The following AHI1 variants were observed in gnomAD, a reference collection of about 807,000 sequenced individuals.
AHI1 encodes Abelson helper integration site 1, also known as jouberin.
Under a neutral mutation model 149.3 loss-of-function variants are expected in AHI1, and 123 were observed. The observed-to-expected ratio is 0.82, with a 90% CI of 0.71 to 0.96. The LOEUF is 0.96. Ranked by LOEUF, AHI1 falls within the 40% of genes least tolerant of loss-of-function variation. The pLI, the probability that AHI1 is intolerant of heterozygous loss-of-function variation, is 0.00. For missense variants in AHI1, 1,439 were observed against 1,422.7 expected (o/e 1.01, Z -0.18); for synonymous variants, 475 against 459.8 (o/e 1.03, Z -0.42).
intron 24 of AHI1, among the ~76,000 whole-genome samples, chr6:135,342,314 A>G (rs1049315271): frequency 1.4e-4 from 22 of 151,976 alleles, no homozygotes; most frequent in African/African-American, 5.1e-4. Context: ...CCCAGAATGC[A>G]TCATTGGTGA....
chr6:135,453,421 T>A lies in AHI1; in HGVS notation c.1360A>T (p.Ser454Cys). Residue 454 changes from serine (S) to cysteine (C), a missense_variant, in exon 11 of 29, where the codon AGC becomes TGC. Physicochemically the swap from Ser to Cys is moderately radical, Grantham distance 112 (BLOSUM62 -1). Transcript: ENST00000265602. The part of the protein sequence containing the change: ...ILFFEILDFL[S>C]VDEIKNNSEV... ...GAATTATTCTTAATTTCATCCACGC[T>A]TAAGAAATCAAGAATCTGCAAATAA... 1.3e-6 allele frequency: 2 copies of A among 1,553,516 alleles called. No individual in the cohort carries two copies. The highest frequency in any genetic ancestry group is 1.7e-6 in the Non-Finnish European group (2 of 1,147,634).
In AHI1 at chr6:135,489,029, G is replaced by C. The variant is rs554466664; in HGVS notation, c.135+1594C>G. Among the ~76,000 whole-genome samples, 7 of 152,274 alleles carry C rather than the reference G, an allele frequency of 4.6e-5. No homozygotes were observed. In the East Asian group the frequency reaches 1.3e-3, roughly 29 times the overall value. Reference sequence around the variant, plus strand: ...AAATATATATAAAGTGTTTAGAAGAGTGCCTAAAGATAGAAAGCATTAAGG... The same window carrying C: ...AAATATATATAAAGTGTTTAGAAGACTGCCTAAAGATAGAAAGCATTAAGG... On this transcript the variant is annotated intron_variant, in intron 5 of 28. Transcript: ENST00000265602.
intron 25 of AHI1, 116 bp from the exon 26 acceptor site, chr6:135,318,732 G>A: frequency 1.6e-6 from 1 of 614,684 alleles, no homozygotes; most frequent in Non-Finnish European, 2.7e-6. Context: ...CAATTCCTTG[G>A]TGTACCAATA....
rs112579180 is a variant in AHI1, at chr6:135,437,789, A to G, written c.2036+586T>C. ...CTAACAGTATTTTTAGAACACATTC[A>G]AGGTAGAACAAGCAACTAAAAAAAG... On this transcript the variant is annotated intron_variant, in intron 15 of 28. Transcript: ENST00000265602. Among the ~76,000 whole-genome samples, 1,469 of 152,342 alleles carry G rather than the reference A, an allele frequency of 9.6e-3. 20 individuals carry two copies. The highest frequency in any genetic ancestry group is 0.033 in the African/African-American group (1,375 of 41,586).
At chr6:135,294,323 C>T (rs1373011603) in intron 27 of AHI1, among the ~76,000 whole-genome samples, 4 of 142,456 alleles carry the variant, frequency 2.8e-5, no homozygotes, top group African/African-American at 2.6e-5. Flanking sequence ...AAGACTCCAT[C>T]TCAAAACAAA....
intron 14 of AHI1, among the ~76,000 whole-genome samples, chr6:135,438,989 C>T (rs984944628): frequency 1.3e-5 from 2 of 152,148 alleles, no homozygotes; most frequent in Non-Finnish European, 2.9e-5. Flanking sequence ...TGGGAATTAA[C>T]AATGACTCAA....
At chr6:135,487,524 A>G (rs1794654661) in intron 5 of AHI1, among the ~76,000 whole-genome samples, 1 of 152,144 alleles carries the variant, frequency 6.6e-6, no homozygotes, top group Admixed American at 6.5e-5. Context: ...TGGATCATAA[A>G]TTTCCCATCA....
intron 27 of AHI1, among the ~76,000 whole-genome samples, chr6:135,292,541 C>T (rs550012279): frequency 3.9e-5 from 6 of 152,252 alleles, no homozygotes; most frequent in Admixed American, 2.6e-4. Flanking sequence ...GAGCCACAGA[C>T]GATGAAGATC....
intron 25 of AHI1, among the ~76,000 whole-genome samples, chr6:135,322,487 T>C (rs963355807): frequency 6.7e-6 from 1 of 149,282 alleles, no homozygotes; most frequent in African/African-American, 2.5e-5. Context: ...CTTTTTTTTT[T>C]CATTTTAAGC....
chr6:135,300,302 G>T (rs1783691096), intron 27 of AHI1, among the ~76,000 whole-genome samples, 198 bp downstream of exon 27: 1 of 147,238 alleles, frequency 6.8e-6, no homozygotes, highest in Non-Finnish European at 1.5e-5. Context: ...TCCAGCCTGG[G>T]TGACACAGCA....
chr6:135,482,693 T>C (rs1395490090), intron 5 of AHI1, among the ~76,000 whole-genome samples: 1 of 151,974 alleles, frequency 6.6e-6, no homozygotes, highest in Non-Finnish European at 1.5e-5. Flanking sequence ...TCCTAGAGTC[T>C]GTTTCTATTG....
rs1030051856 is a variant in AHI1 at position 135,463,365 on chromosome 6, C to T, written c.750-59G>A. On this transcript the variant is annotated intron_variant, in intron 7 of 28. Coordinates refer to ENST00000265602, the MANE Select transcript of AHI1 (RefSeq NM_001134831.2). ...ATATATTATCATTATAATTATTATT[C>T]ATGATGCAACAGAGTGAACAGTAAA... The T allele has an allele frequency of 9.3e-5, 126 of 1,354,742 alleles. 1 individual carries two copies. The Middle Eastern group carries it at 1.3e-3, about 14-fold the overall frequency. The allele number at this position is 1,354,742 out of a possible 1,614,324, so 83.9% of individuals were successfully genotyped here.
rs1396487523 is a variant in AHI1, at chr6:135,463,312, A to G, written c.750-6T>C. On this transcript the variant is annotated splice_polypyrimidine_tract_variant and splice_region_variant and intron_variant, in intron 7 of 28. Transcript: ENST00000265602. The stretch of plus-strand genomic sequence containing the variant: ...CACCAGAGATGGTCAATGTACTACA[A>G]ATATAATCCAAGTATCAGCCATTAC... 4 of 1,588,886 alleles carry G rather than the reference A, an allele frequency of 2.5e-6. No individual in the cohort carries two copies. The highest frequency in any genetic ancestry group is 3.4e-6 in the Non-Finnish European group (4 of 1,170,338).
At chr6:135,343,663 T>C (rs538809968) in intron 24 of AHI1, among the ~76,000 whole-genome samples, 1 of 147,730 alleles carries the variant, frequency 6.8e-6, no homozygotes, top group Admixed American at 6.7e-5. Flanking sequence ...AAAAACAAAC[T>C]AACAAAAAAC....
intron 24 of AHI1, among the ~76,000 whole-genome samples, chr6:135,344,955 C>CACACACAGTATATTAAAAAATCT (rs913357002): frequency 6.6e-6 from 1 of 151,144 alleles, no homozygotes. Flanking sequence ...CACACACACA[C>CACACACAGTATATTAAAAAATCT]AGTATATTAA....
chr6:135,310,325 G>A lies in AHI1; in HGVS notation c.3426+8194C>T, dbSNP rs1785025188. 2.6e-5 allele frequency among the ~76,000 whole-genome samples: 4 copies of A among 152,204 alleles called. No individual in the cohort carries two copies. In the South Asian group the frequency reaches 8.3e-4, roughly 31 times the overall value. On this transcript the variant is annotated intron_variant, in intron 26 of 28. Coordinates refer to ENST00000265602, the MANE Select transcript of AHI1 (RefSeq NM_001134831.2). ...ACTTTGAAGACTAAGAAAAACACAT[G>A]CACATTGAGGGCAATATATTTATTG...
At chr6:135,376,346 A>T (rs1042058559) in intron 23 of AHI1, among the ~76,000 whole-genome samples, 2 of 152,204 alleles carry the variant, frequency 1.3e-5, no homozygotes, top group Non-Finnish European at 2.9e-5. Context: ...TCCACAGATT[A>T]TTCAACAATT....
intron 3 of AHI1, 192 bp from the exon 4 acceptor site, chr6:135,492,483 A>G (rs1795380114): frequency 8.3e-7 from 1 of 1,205,076 alleles, no homozygotes; most frequent in East Asian, 3.5e-5. Context: ...CTCTAAAATC[A>G]AGGGAAACAA....
intron 24 of AHI1, among the ~76,000 whole-genome samples, chr6:135,341,850 T>G (rs1182754535): frequency 6.6e-6 from 1 of 151,846 alleles, no homozygotes. Context: ...ATGTTTTTAT[T>G]AAGAGAAAAA....
Sources: allele counts gnomAD v4.1 joint callset (sites outside exome capture counted in the v4.1 genomes callset), GRCh38; gene constraint gnomAD v4.1.1; transcripts MANE v1.5; gene names NCBI Gene and HGNC (gene_info 2026-07-23, HGNC 2026-07-21).